The following NCBP3 variants were observed in gnomAD, a reference collection of about 807,000 sequenced individuals.
The protein encoded by NCBP3 is nuclear cap-binding protein subunit 3.
Under a neutral mutation model 75.7 loss-of-function variants are expected in NCBP3, and 20 were observed. That is an observed-to-expected ratio of 0.26 (90% CI 0.19 to 0.38). The LOEUF (loss-of-function observed/expected upper bound fraction) is 0.38, where lower values mean the gene tolerates loss of function less well. Ranked by LOEUF, NCBP3 falls within the 10% of genes least tolerant of loss-of-function variation. The probability of loss-of-function intolerance (pLI) is 1.00; values close to 1 mark genes in which losing one functional copy is unlikely to be tolerated. For missense variants in NCBP3, 678 were observed against 796.9 expected, an observed-to-expected ratio of 0.85 and a Z score of 1.80; for synonymous variants, 293 against 290.5, an observed-to-expected ratio of 1.01 and a Z score of -0.09.
intron 1 of NCBP3, among the ~76,000 whole-genome samples, chr17:3,843,760 G>T (rs2054108415): frequency 6.6e-6 from 1 of 152,070 alleles, no homozygotes; most frequent in Non-Finnish European, 1.5e-5. Context: ...TTGGCATACT[G>T]GTCTCAAACT....
chr17:3,813,374 G>A, intron 12 of NCBP3, 95 bp from the exon 13 acceptor site: 1 of 1,438,240 alleles, frequency 7.0e-7, no homozygotes, highest in South Asian at 1.3e-5. Context: ...CTGCTGTGCA[G>A]GAAACGCCAG....
intron 1 of NCBP3, among the ~76,000 whole-genome samples, chr17:3,843,529 C>G (rs1597418226): frequency 6.6e-6 from 1 of 152,306 alleles, no homozygotes; most frequent in East Asian, 1.9e-4. Flanking sequence ...TCATCACAAC[C>G]AGTCTGGTTC....
intron 4 of NCBP3, among the ~76,000 whole-genome samples, chr17:3,828,993 C>G (rs1191930968): frequency 6.6e-6 from 1 of 152,142 alleles, no homozygotes; most frequent in Non-Finnish European, 1.5e-5. Flanking sequence ...GATTCAGAGG[C>G]CAGTAACCCA....
chr17:3,826,313 G>T, intron 4 of NCBP3, 98 bp from the exon 5 acceptor site: 3 of 1,148,384 alleles, frequency 2.6e-6, no homozygotes, highest in Non-Finnish European at 3.6e-6. Flanking sequence ...GCCTCATCTA[G>T]CAACAGATTA....
chr17:3,825,906 G>T (rs1471080709), intron 5 of NCBP3, 63 bp from the exon 6 acceptor site: 2 of 1,404,338 alleles, frequency 1.4e-6, no homozygotes, highest in Admixed American at 2.0e-5. Context: ...TGAGATACAA[G>T]ATGAACTATC....
chr17:3,835,191 A>G (rs925765460), intron 3 of NCBP3, among the ~76,000 whole-genome samples: 5 of 152,256 alleles, frequency 3.3e-5, no homozygotes, highest in African/African-American at 7.2e-5. Context: ...GTAATTTAAT[A>G]GGACTACATT....
At position 3,805,939 on chromosome 17, in the gene NCBP3, A is replaced by G. The variant is rs2053332271; in HGVS notation, c.*7105T>C. ...CCCCAGAGCCCCGGCCCCAGCCACC[A>G]TCCTATTTGACTTTCCCCAACAGGC... On this transcript the variant is annotated 3_prime_UTR_variant, in exon 13 of 13. Coordinates refer to ENST00000389005, the MANE Select transcript of NCBP3 (RefSeq NM_001114118.3). The G allele has an allele frequency of 6.6e-6, 1 of 152,328 alleles. No homozygotes were observed. Among genetic ancestry groups the G allele is most frequent in the South Asian group, 2.1e-4 (1 of 4,836 alleles). The allele number at this position is 152,328 out of a possible 1,614,324, so 9.4% of individuals were successfully genotyped here. A position where few individuals can be genotyped will look rare whatever the true frequency, so the allele number is the denominator to read the frequency against.
At position 3,803,889 on chromosome 17, in the gene NCBP3, C is replaced by A. The variant is rs964732769; in HGVS notation, c.*9155G>T. The A allele has an allele frequency of 1.3e-5, 2 of 151,838 alleles. No homozygotes were observed. Among genetic ancestry groups the A allele is most frequent in the Non-Finnish European group, 2.9e-5 (2 of 67,970 alleles). 9.4% of individuals were successfully genotyped at this position (151,838 alleles called of 1,614,324 possible). A position where few individuals can be genotyped will look rare whatever the true frequency, so the allele number is the denominator to read the frequency against. ...AGGAGATCGAGACCATCCTGGCTAA[C>A]ACGGTGAAACCCGGTCTCTACTAAA... On this transcript the variant is annotated 3_prime_UTR_variant, in exon 13 of 13. Coordinates refer to ENST00000389005, the MANE Select transcript of NCBP3 (RefSeq NM_001114118.3).
chr17:3,829,142 A>C (rs2053835364), intron 4 of NCBP3, 101 bp downstream of exon 4: 1 of 1,324,390 alleles, frequency 7.6e-7, no homozygotes, highest in African/African-American at 1.5e-5. Context: ...GTTCGGCATA[A>C]ACAAGTAGTA....
chr17:3,842,644 G>C (rs953430691), intron 2 of NCBP3, among the ~76,000 whole-genome samples: 6 of 152,184 alleles, frequency 3.9e-5, no homozygotes, highest in African/African-American at 1.2e-4. Context: ...GTTTCAGGAT[G>C]CATGAAGACA....
At chr17:3,837,836 G>A (rs2054001481) in intron 3 of NCBP3, among the ~76,000 whole-genome samples, 1 of 151,940 alleles carries the variant, frequency 6.6e-6, no homozygotes, top group Non-Finnish European at 1.5e-5. Context: ...GGTTCCCCAG[G>A]GCTCAGGAAC....
chr17:3,841,618 T>C (rs1459095834), intron 2 of NCBP3, among the ~76,000 whole-genome samples: 4 of 150,666 alleles, frequency 2.7e-5, no homozygotes, highest in Admixed American at 6.6e-5. Context: ...TTTTTTTTTT[T>C]TTTGCGGGGA....
At chr17:3,813,718 G>A (rs1216771651) in intron 12 of NCBP3, among the ~76,000 whole-genome samples, 1 of 152,154 alleles carries the variant, frequency 6.6e-6, no homozygotes. Flanking sequence ...TTTGTAGACG[G>A]CCACATTATA....
intron 9 of NCBP3, among the ~76,000 whole-genome samples, chr17:3,819,236 C>T (rs1297213305): frequency 6.6e-6 from 1 of 152,142 alleles, no homozygotes; most frequent in Non-Finnish European, 1.5e-5. Context: ...AACGAATCAA[C>T]AATGTGTCTT....
chr17:3,842,622 G>A (rs949394439), intron 2 of NCBP3, among the ~76,000 whole-genome samples: 2 of 152,252 alleles, frequency 1.3e-5, no homozygotes, highest in South Asian at 4.1e-4. Context: ...ACACACAAAT[G>A]CTGCCTGTAC....
At chr17:3,839,369 A>T (rs1226752955) in intron 3 of NCBP3, among the ~76,000 whole-genome samples, 3 of 152,054 alleles carry the variant, frequency 2.0e-5, no homozygotes, top group Non-Finnish European at 4.4e-5. Context: ...TTTTTTTAAG[A>T]CAGAGTCTCG....
intron 3 of NCBP3, among the ~76,000 whole-genome samples, chr17:3,831,097 G>A (rs1248046316): frequency 2.0e-5 from 3 of 150,688 alleles, no homozygotes; most frequent in African/African-American, 7.3e-5. Flanking sequence ...TTTTAGTAGA[G>A]ACGACGTTTC....
Position 3,840,155 on chromosome 17 carries a change from C to G in NCBP3, c.300G>C (p.Ser100=), listed in dbSNP as rs181859997. The change falls in exon 3 of 13, where the codon TCG becomes TCC. Residue 100 remains serine, a synonymous_variant. Transcript: ENST00000389005. ...EQRAKRFHFR[S]EVNLAQRNVA... ...CATTTCTTTGGGCAAGATTTACTTCCGATCGAAAATGGAAGCGCTTGGCTC... is the reference window on the plus strand; with the variant it reads ...CATTTCTTTGGGCAAGATTTACTTCGGATCGAAAATGGAAGCGCTTGGCTC... 6.4e-7 allele frequency: 1 copy of G among 1,551,552 alleles called. No individual in the cohort carries two copies. Among genetic ancestry groups the G allele is most frequent in the East Asian group, 2.4e-5 (1 of 40,936 alleles).
chr17:3,842,708 C>T (rs996420261), intron 2 of NCBP3, among the ~76,000 whole-genome samples: 11 of 152,118 alleles, frequency 7.2e-5, no homozygotes, highest in Non-Finnish European at 1.5e-5. Flanking sequence ...TGCAGTGGCA[C>T]GATTTCAGCT....
Sources: gnomAD v4.1 joint callset for allele counts (sites outside exome capture counted in the v4.1 genomes callset) on GRCh38, gnomAD v4.1.1 for gene constraint, MANE v1.5 for transcripts, NCBI Gene and HGNC (gene_info 2026-07-23, HGNC 2026-07-21) for gene names.